ANKH: variants seen among roughly 807,000 people sequenced by gnomAD.
ANKH encodes mineralization regulator ANKH.
ANKH carries 15 observed loss-of-function variants against 49.0 expected under a neutral mutation model. That is an observed-to-expected ratio of 0.31 (90% CI 0.20 to 0.47). The LOEUF is 0.47. Ranked by LOEUF, ANKH falls within the 20% of genes least tolerant of loss-of-function variation. The pLI is 1.00. For synonymous variants in ANKH, 273 were observed against 260.0 expected, an observed-to-expected ratio of 1.05 and a Z score of -0.48; for missense variants, 429 against 652.0, an observed-to-expected ratio of 0.66 and a Z score of 3.72.
At chr5:14,833,140 C>T (rs1741550958) in intron 1 of ANKH, among the ~76,000 whole-genome samples, 1 of 152,220 alleles carries the variant, frequency 6.6e-6, no homozygotes, top group African/African-American at 2.4e-5. Context: ...TTCCCTTCTA[C>T]TCACATTAAG....
At chr5:14,720,955 C>G (rs1019857015) in intron 8 of ANKH, among the ~76,000 whole-genome samples, 5 of 152,238 alleles carry the variant, frequency 3.3e-5, no homozygotes, top group Non-Finnish European at 7.3e-5. Flanking sequence ...CAGGTAATCC[C>G]TGCTCTGGGA....
Position 14,871,400 on chromosome 5 carries a change from G to A in ANKH, c.48C>T (p.Phe16=). ...TGTTGGTGATGCCCAGGGGCACCAAGAACCGGATCAGGGGCCAGTAGTGCG... is the reference window on the plus strand; with the variant it reads ...TGTTGGTGATGCCCAGGGGCACCAAAAACCGGATCAGGGGCCAGTAGTGCG... ...ALTHYWPLIR[F]LVPLGITNIA... is the part of the protein sequence containing the mutation. Residue 16 remains phenylalanine (F), a synonymous_variant, in exon 1 of 12, where the codon TTC becomes TTT. Coordinates refer to ENST00000284268, the MANE Select transcript of ANKH (RefSeq NM_054027.6). 1 of 1,613,550 alleles carries A rather than the reference G, an allele frequency of 6.2e-7. No homozygotes were observed. The highest frequency in any genetic ancestry group is 1.1e-5 in the South Asian group (1 of 91,074).
intron 1 of ANKH, among the ~76,000 whole-genome samples, chr5:14,838,201 A>G (rs1362629488): frequency 6.6e-6 from 1 of 152,148 alleles, no homozygotes; most frequent in East Asian, 1.9e-4. Flanking sequence ...AACATGGCAC[A>G]TGTATACATA....
At chr5:14,786,163 T>C (rs1739970240) in intron 1 of ANKH, among the ~76,000 whole-genome samples, 1 of 151,762 alleles carries the variant, frequency 6.6e-6, no homozygotes, top group South Asian at 2.1e-4. Context: ...GATATCAGAC[T>C]CATAAACTGT....
chr5:14,838,728 T>C (rs541604071), intron 1 of ANKH, among the ~76,000 whole-genome samples: 4 of 152,218 alleles, frequency 2.6e-5, no homozygotes, highest in Non-Finnish European at 5.9e-5. Flanking sequence ...CTGCACACTT[T>C]CTGATAAAGG....
At chr5:14,792,993 T>TATATATATATATAA (rs1393040136) in intron 1 of ANKH, among the ~76,000 whole-genome samples, 2 of 90,600 alleles carry the variant, frequency 2.2e-5, no homozygotes, top group Non-Finnish European at 2.3e-5. Flanking sequence ...TATATAAAAA[T>TATATATATATATAA]ATATATATAT....
At chr5:14,787,630 G>A (rs1242219316) in intron 1 of ANKH, among the ~76,000 whole-genome samples, 1 of 152,174 alleles carries the variant, frequency 6.6e-6, no homozygotes, top group Non-Finnish European at 1.5e-5. Flanking sequence ...GAAAAAAAAT[G>A]AAAGCAACTT....
chr5:14,710,292 A>AAGTT lies in ANKH; in HGVS notation c.*901_*904dup, dbSNP rs1263257830. ...AGTTCACTGTAAAAACTAAAATGCAAAGTTAGGATGCTCCATGTGACTCGC... is the reference window on the plus strand; with the variant it reads ...AGTTCACTGTAAAAACTAAAATGCAAAGTTAGTTAGGATGCTCCATGTGACTCGC... On this transcript the variant is annotated 3_prime_UTR_variant, in exon 12 of 12. Coordinates refer to ENST00000284268, the MANE Select transcript of ANKH (RefSeq NM_054027.6). 8.5e-5 allele frequency: 13 copies of AAGTT among 152,230 alleles called. No homozygotes were observed. Among genetic ancestry groups the AAGTT allele is most frequent in the South Asian group, 4.1e-4 (2 of 4,832 alleles). 9.4% of individuals were successfully genotyped at this position (152,230 alleles called of 1,614,324 possible).
chr5:14,761,321 C>T (rs1370454752), intron 2 of ANKH, among the ~76,000 whole-genome samples: 1 of 152,180 alleles, frequency 6.6e-6, no homozygotes, highest in Non-Finnish European at 1.5e-5. Context: ...AACACAGGTA[C>T]AAGTGGCTTC....
At chr5:14,809,127 T>C (rs890630667) in intron 1 of ANKH, among the ~76,000 whole-genome samples, 3 of 120,872 alleles carry the variant, frequency 2.5e-5, no homozygotes, top group South Asian at 2.9e-4. Flanking sequence ...TAGGTGGGAA[T>C]TGAACAATGA....
chr5:14,709,072 T>G lies in ANKH; in HGVS notation c.*2125A>C, dbSNP rs1325318580. On this transcript the variant is annotated 3_prime_UTR_variant, in exon 12 of 12. Transcript: ENST00000284268. ...CCACCCCCAGCTAATTTTTATGTTTTTAGTAGAGACAGGGTTTTGCCATGT... is the reference window on the plus strand; with the variant it reads ...CCACCCCCAGCTAATTTTTATGTTTGTAGTAGAGACAGGGTTTTGCCATGT... The G allele has an allele frequency of 6.6e-6, 1 of 152,200 alleles. No individual in the cohort carries two copies. The highest frequency in any genetic ancestry group is 2.4e-5 in the African/African-American group (1 of 41,412). 9.4% of individuals were successfully genotyped at this position (152,200 alleles called of 1,614,324 possible). A position where few individuals can be genotyped will look rare whatever the true frequency, so the allele number is the denominator to read the frequency against.
At chr5:14,797,874 T>C (rs1740439711) in intron 1 of ANKH, 7 of 1,611,888 alleles carry the variant, frequency 4.3e-6, no homozygotes, top group Non-Finnish European at 5.9e-6. Context: ...TTCCTTCTGA[T>C]GTCCACGGAG....
At chr5:14,724,933 C>T (rs1294243248) in intron 8 of ANKH, among the ~76,000 whole-genome samples, 2 of 152,180 alleles carry the variant, frequency 1.3e-5, no homozygotes, top group African/African-American at 4.8e-5. Flanking sequence ...CCAGAATTAG[C>T]AGTACATGAG....
At chr5:14,736,975 A>C (rs919564201) in intron 8 of ANKH, among the ~76,000 whole-genome samples, 5 of 152,240 alleles carry the variant, frequency 3.3e-5, no homozygotes, top group Non-Finnish European at 7.3e-5. Context: ...GGAGCTTGAG[A>C]AGATAAACAG....
intron 9 of ANKH, among the ~76,000 whole-genome samples, chr5:14,715,786 T>G (rs900167853): frequency 5.9e-5 from 9 of 152,246 alleles, no homozygotes; most frequent in Non-Finnish European, 1.3e-4. Context: ...GCTTTTCTGA[T>G]TTAATCTAGA....
At chr5:14,726,335 G>C (rs916118028) in intron 8 of ANKH, among the ~76,000 whole-genome samples, 8 of 152,130 alleles carry the variant, frequency 5.3e-5, no homozygotes, top group African/African-American at 9.7e-5. Context: ...GTTCACGAAG[G>C]GTTTCACAGG....
chr5:14,724,651 G>A, intron 8 of ANKH: 1 of 851,754 alleles, frequency 1.2e-6, no homozygotes, highest in Non-Finnish European at 1.4e-6. Context: ...TTGCAGAGTG[G>A]GCCATGCATG....
At chr5:14,763,971 C>G (rs1005013745) in intron 2 of ANKH, among the ~76,000 whole-genome samples, 2 of 152,054 alleles carry the variant, frequency 1.3e-5, no homozygotes, top group Admixed American at 1.3e-4. Flanking sequence ...TGCCTGTAAT[C>G]CCAGCTACTT....
At position 14,757,747 on chromosome 5, in the gene ANKH, G is replaced by T. The variant is rs77568732; in HGVS notation, c.432+733C>A. Reference sequence around the variant, plus strand: ...TCAAAATTTTCAAATGGGCTTTCCTGCCACCTACCAGAACTTGTGGCAAAA... The same window carrying T: ...TCAAAATTTTCAAATGGGCTTTCCTTCCACCTACCAGAACTTGTGGCAAAA... On this transcript the variant is annotated intron_variant, in intron 3 of 11. Transcript: ENST00000284268. Among the ~76,000 whole-genome samples the T allele has an allele frequency of 8.9e-3, 1,358 of 152,176 alleles. 17 individuals are homozygous for T. Among genetic ancestry groups the T allele is most frequent in the African/African-American group, 0.031 (1,301 of 41,494 alleles).
Sources: allele counts gnomAD v4.1 joint callset (sites outside exome capture counted in the v4.1 genomes callset), GRCh38; gene constraint gnomAD v4.1.1; transcripts MANE v1.5; gene names NCBI Gene and HGNC (gene_info 2026-07-23, HGNC 2026-07-21).